The following FSCN2 variants were observed in gnomAD, a reference collection of about 807,000 sequenced individuals.
The protein encoded by FSCN2 is fascin actin-bundling protein 2, retinal.
FSCN2 carries 46 observed loss-of-function variants against 37.8 expected under a neutral mutation model. The observed-to-expected ratio is 1.22, with a 90% CI of 0.96 to 1.56. The LOEUF is 1.56. FSCN2 is among the 40% of genes most tolerant of loss of function. The pLI is 0.00. For synonymous variants in FSCN2, 351 were observed against 309.4 expected (o/e 1.13, Z -1.41); for missense variants, 844 against 730.4 (o/e 1.16, Z -1.79).
At chr17:81,536,825 G>A (rs1338790397) in intron 4 of FSCN2, 36 bp downstream of exon 4, 2 of 1,554,050 alleles carry the variant, frequency 1.3e-6, no homozygotes, top group Non-Finnish European at 1.7e-6. Context: ...CGGGAGCGGG[G>A]GTGGCAGCGG....
At chr17:81,526,582 C>G (rs1555670135), upstream of FSCN2, among the ~76,000 whole-genome samples, 3 of 152,208 alleles carry the variant, frequency 2.0e-5, no homozygotes, top group Admixed American at 6.5e-5. Context: ...CAAGATTGCG[C>G]CACTGGACTC....
Position 81,537,050 on chromosome 17 carries a change from C to T in FSCN2, c.1449C>T (p.Ala483=). ...ASGLLRADAD[A]PAGTALWEY ...GCCTGCTGCGGGCCGATGCCGACGCCCCGGCCGGGACCGCGCTTTGGGAGT... is the reference window on the plus strand; with the variant it reads ...GCCTGCTGCGGGCCGATGCCGACGCTCCGGCCGGGACCGCGCTTTGGGAGT... Residue 483 remains alanine (A), a synonymous_variant, in exon 5 of 5, where the codon GCC becomes GCT. Transcript: ENST00000417245. The T allele has an allele frequency of 6.8e-7, 1 of 1,469,428 alleles. No homozygotes were observed. The highest frequency in any genetic ancestry group is 8.9e-7 in the Non-Finnish European group (1 of 1,117,530). The allele number at this position is 1,469,428 out of a possible 1,614,324, so 91.0% of individuals were successfully genotyped here.
At chr17:81,525,135 G>T (rs984787135), upstream of FSCN2, among the ~76,000 whole-genome samples, 10 of 152,032 alleles carry the variant, frequency 6.6e-5, no homozygotes, top group African/African-American at 2.4e-4. Context: ...TAAATAAAAA[G>T]AACCAGACGG....
chr17:81,531,201 ATGGTGGTGATGG>A (rs1782184534), intron 1 of FSCN2, among the ~76,000 whole-genome samples: 4 of 124,342 alleles, frequency 3.2e-5, no homozygotes, highest in African/African-American at 1.2e-4. Flanking sequence ...GATGGTGGTG[ATGGTGGTGATGG>A]TGGTGATGGT....
chr17:81,525,736 ATAAT>A (rs782113076), upstream of FSCN2, among the ~76,000 whole-genome samples: 32 of 152,058 alleles, frequency 2.1e-4, no homozygotes, highest in East Asian at 3.8e-4. Context: ...AAAAAATAAA[ATAAT>A]TAATAATAAC....
chr17:81,536,153 A>G lies in FSCN2; in HGVS notation c.991A>G (p.Asn331Asp). Reference protein sequence around the residue: ...IHATATQVSANTMFEMEWRGR... With the variant: ...IHATATQVSADTMFEMEWRGR... ...TTTTGCTGCTCCCTCCAGTTCTGCCAACACCATGTTTGAGATGGAGTGGCG... is the reference window on the plus strand; with the variant it reads ...TTTTGCTGCTCCCTCCAGTTCTGCCGACACCATGTTTGAGATGGAGTGGCG... Residue 331 changes from asparagine (N) to aspartate (D), a missense_variant, in exon 3 of 5, where the codon AAC becomes GAC. By Grantham distance (23) the Asn-to-Asp change is conservative (BLOSUM62 1). Transcript: ENST00000417245. 6.2e-7 allele frequency: 1 copy of G among 1,607,582 alleles called. No individual in the cohort carries two copies. The highest frequency in any genetic ancestry group is 1.3e-5 in the African/African-American group (1 of 74,936).
the FSCN2 span, among the ~76,000 whole-genome samples, chr17:81,516,692 C>T: frequency 6.6e-6 from 1 of 152,246 alleles, no homozygotes; most frequent in East Asian, 1.9e-4. Flanking sequence ...TGGCTGGTGC[C>T]CAGCTTGGGG....
chr17:81,516,967 C>T, the FSCN2 span, among the ~76,000 whole-genome samples: 3 of 152,202 alleles, frequency 2.0e-5, no homozygotes, highest in East Asian at 5.8e-4. Context: ...GAGGAGAGTC[C>T]CAGACTGTGG....
Position 81,535,091 on chromosome 17 carries a change from A to G in FSCN2, c.866A>G (p.His289Arg). The stretch of plus-strand genomic sequence containing the variant: ...GCCAATCAGGATGATGAACTAGACC[A>G]CGAGACCTTCCTGATGCAAATTGAC... ...VSANQDDELD[H>R]ETFLMQIDQE... Residue 289 changes from histidine to arginine, a missense_variant, in exon 2 of 5, where the codon CAC (histidine) becomes CGC (arginine). By Grantham distance (29) the His-to-Arg change is conservative (BLOSUM62 0). Transcript: ENST00000417245. 6.5e-7 allele frequency: 1 copy of G among 1,534,148 alleles called. No homozygotes were observed. Among genetic ancestry groups the G allele is most frequent in the Non-Finnish European group, 8.7e-7 (1 of 1,145,456 alleles).
Position 81,536,730 on chromosome 17 carries a change from A to C in FSCN2, c.1214A>C (p.Asn405Thr). ...CGCGGCTCCAACCAGCTGGACACCAACCGCTCCGTCTACGACGTCTTCCAC... is the reference window on the plus strand; with the variant it reads ...CGCGGCTCCAACCAGCTGGACACCACCCGCTCCGTCTACGACGTCTTCCAC... ...HHRGSNQLDT[N>T]RSVYDVFHLS... Residue 405 changes from asparagine (N) to threonine (T), a missense_variant, in exon 4 of 5, where the codon AAC becomes ACC. Coordinates refer to ENST00000417245, the MANE Select transcript of FSCN2 (RefSeq NM_012418.4). The C allele has an allele frequency of 3.1e-6, 5 of 1,601,986 alleles. No individual in the cohort carries two copies. The highest frequency in any genetic ancestry group is 4.3e-6 in the Non-Finnish European group (5 of 1,174,192).
At chr17:81,518,856 G>T in the FSCN2 span, among the ~76,000 whole-genome samples, 1 of 152,224 alleles carries the variant, frequency 6.6e-6, no homozygotes, top group African/African-American at 2.4e-5. Flanking sequence ...GCGGGACAAG[G>T]GCAAGAGGTT....
the FSCN2 span, among the ~76,000 whole-genome samples, chr17:81,523,311 T>C: frequency 6.6e-6 from 1 of 152,332 alleles, no homozygotes; most frequent in Middle Eastern, 3.4e-3. Flanking sequence ...CCCTGCCCCC[T>C]GCCTTGCCGA....
chr17:81,535,121 A>C lies in FSCN2; in HGVS notation c.896A>C (p.Glu299Ala), dbSNP rs772759235. ...ACCTTCCTGATGCAAATTGACCAGG[A>C]GACAAAGAAGTGCACCTTCTATTCC... is the stretch of plus-strand genomic sequence containing the variant. ...HETFLMQIDQETKKCTFYSST... is the reference protein window; with the variant it reads ...HETFLMQIDQATKKCTFYSST... Residue 299 changes from glutamate to alanine, a missense_variant, in exon 2 of 5, where the codon GAG becomes GCG. Glu to Ala is a moderately radical substitution (Grantham distance 107). Transcript: ENST00000417245. 1 of 1,534,046 alleles carries C rather than the reference A, an allele frequency of 6.5e-7. No homozygotes were observed. Among genetic ancestry groups the C allele is most frequent in the South Asian group, 1.2e-5 (1 of 83,820 alleles).
At chr17:81,519,710 G>T in the FSCN2 span, among the ~76,000 whole-genome samples, 1 of 152,174 alleles carries the variant, frequency 6.6e-6, no homozygotes, top group Non-Finnish European at 1.5e-5. Flanking sequence ...ACCTCAGTCA[G>T]GGCTGACGCG....
intron 1 of FSCN2, among the ~76,000 whole-genome samples, chr17:81,532,494 ATGATGG>A (rs1400463317): frequency 0.022 from 119 of 5,354 alleles, 5 homozygotes; most frequent in Middle Eastern, 0.14. Flanking sequence ...AGTGATGGTG[ATGATGG>A]TGATGATAAT....
rs2032804283 is a variant in FSCN2, at chr17:81,535,104, G to T, written c.879G>T (p.Leu293=). ...ATGAACTAGACCACGAGACCTTCCT[G>T]ATGCAAATTGACCAGGAGACAAAGA... ...QDDELDHETF[L]MQIDQETKKC... The change falls in exon 2 of 5, where the codon CTG becomes CTT. Residue 293 remains leucine (L), a synonymous_variant. Transcript: ENST00000417245. The T allele has an allele frequency of 6.5e-7, 1 of 1,533,434 alleles. No homozygotes were observed. Among genetic ancestry groups the T allele is most frequent in the African/African-American group, 1.4e-5 (1 of 72,850 alleles). 95.0% of individuals were successfully genotyped at this position (1,533,434 alleles called of 1,614,324 possible).
intron 1 of FSCN2, chr17:81,530,035 C>T (rs1555671031): frequency 3.7e-6 from 1 of 268,598 alleles, no homozygotes; most frequent in Non-Finnish European, 7.4e-6. Flanking sequence ...TGGTCTTGAT[C>T]TCCTGACCTT....
At chr17:81,521,137 G>A in the FSCN2 span, among the ~76,000 whole-genome samples, 1 of 151,836 alleles carries the variant, frequency 6.6e-6, no homozygotes, top group Admixed American at 6.6e-5. Context: ...GTGCGATCTT[G>A]GCCCACCGCA....
intron 1 of FSCN2, among the ~76,000 whole-genome samples, chr17:81,533,692 G>A (rs1054530447): frequency 4.6e-5 from 7 of 152,212 alleles, no homozygotes; most frequent in Non-Finnish European, 1.0e-4. Context: ...AGCCCCTCTG[G>A]AGGGGGGTAA....
Sources: gnomAD v4.1 joint callset for allele counts (sites outside exome capture counted in the v4.1 genomes callset) on GRCh38, gnomAD v4.1.1 for gene constraint, MANE v1.5 for transcripts, NCBI Gene and HGNC (gene_info 2026-07-23, HGNC 2026-07-21) for gene names.